PIGS: variants seen among roughly 807,000 people sequenced by gnomAD.
The protein encoded by PIGS is GPI-anchor transamidase component PIGS.
Under a neutral mutation model 58.2 loss-of-function variants are expected in PIGS, and 37 were observed. The observed-to-expected ratio is 0.64, with a 90% CI of 0.49 to 0.84. PIGS has a LOEUF of 0.84. Ranked by LOEUF, PIGS falls within the 40% of genes least tolerant of loss-of-function variation. The pLI, the probability that PIGS is intolerant of heterozygous loss-of-function variation, is 0.00. For synonymous variants in PIGS, 269 were observed against 289.2 expected (o/e 0.93, Z 0.71); for missense variants, 629 against 710.8 (o/e 0.88, Z 1.31).
At chr17:28,559,007 G>T (rs567030422) in intron 7 of PIGS, among the ~76,000 whole-genome samples, 2 of 152,102 alleles carry the variant, frequency 1.3e-5, no homozygotes, top group Admixed American at 1.3e-4. Context: ...TTGAGATGGA[G>T]TCTCACTCTG....
intron 3 of PIGS, among the ~76,000 whole-genome samples, chr17:28,565,307 G>A (rs1057091589): frequency 1.2e-4 from 18 of 152,086 alleles, no homozygotes; most frequent in African/African-American, 3.4e-4. Flanking sequence ...ACTATAAGAA[G>A]AAAACTTCAA....
At chr17:28,559,972 A>G in intron 7 of PIGS, 77 bp downstream of exon 7, 1 of 1,500,228 alleles carries the variant, frequency 6.7e-7, no homozygotes, top group South Asian at 1.3e-5. Context: ...GCAAGCTCTA[A>G]GAGATGGAGG....
At chr17:28,568,417 GTCT>G (rs1232727534) in intron 3 of PIGS, among the ~76,000 whole-genome samples, 9 of 151,876 alleles carry the variant, frequency 5.9e-5, no homozygotes, top group Admixed American at 4.6e-4. Context: ...CTTTTTTATT[GTCT>G]TCTTCTTGTC....
chr17:28,561,380 T>G (rs1288162793), intron 6 of PIGS, 42 bp downstream of exon 6: 1 of 1,601,354 alleles, frequency 6.2e-7, no homozygotes. Context: ...CCCCATGTAA[T>G]TCATTTCCTC....
chr17:28,558,305 C>T (rs1481964554), intron 8 of PIGS, among the ~76,000 whole-genome samples, 171 bp downstream of exon 8: 1 of 151,546 alleles, frequency 6.6e-6, no homozygotes, highest in East Asian at 1.9e-4. Flanking sequence ...GGCCTTGTCT[C>T]AAAAAAAGAA....
intron 3 of PIGS, among the ~76,000 whole-genome samples, chr17:28,566,898 C>A (rs569422222): frequency 1.3e-3 from 192 of 152,284 alleles, no homozygotes; most frequent in Non-Finnish European, 2.0e-3. Flanking sequence ...TGGCCACACA[C>A]CAGTAGTCCT....
At chr17:28,561,803 TATTTTC>T in intron 5 of PIGS, 174 bp from the exon 6 acceptor site, 1 of 611,060 alleles carries the variant, frequency 1.6e-6, no homozygotes, top group Non-Finnish European at 2.8e-6. Context: ...ATATATTGAG[TATTTTC>T]ATTTGTCTCC....
In PIGS at chr17:28,563,860, A is replaced by G. The variant is rs765352714; in HGVS notation, c.334T>C (p.Leu112=). 6.2e-7 allele frequency: 1 copy of G among 1,614,144 alleles called. No homozygotes were observed. The highest frequency in any genetic ancestry group is 8.5e-7 in the Non-Finnish European group (1 of 1,179,992). ...GACAGGGCCTCCTCCTCATGGTCCAAAGCCCTCCGATAGGCCTTCTGGAAA... is the reference window on the plus strand; with the variant it reads ...GACAGGGCCTCCTCCTCATGGTCCAGAGCCCTCCGATAGGCCTTCTGGAAA... ...CRFQKAYRRA[L]DHEEEALSSG... The change falls in exon 4 of 12, where the codon TTG becomes CTG. Residue 112 remains leucine (L), a synonymous_variant. Transcript: ENST00000308360.
chr17:28,557,080 T>A, intron 8 of PIGS, 108 bp from the exon 9 acceptor site: 1 of 1,175,898 alleles, frequency 8.5e-7, no homozygotes, highest in South Asian at 1.4e-5. Flanking sequence ...ATTCCCCAAC[T>A]AACAATCATT....
intron 3 of PIGS, among the ~76,000 whole-genome samples, chr17:28,564,410 A>C (rs2070383291): frequency 6.6e-6 from 1 of 152,178 alleles, no homozygotes; most frequent in Non-Finnish European, 1.5e-5. Flanking sequence ...TCTACAAAAA[A>C]TACAAAAATT....
chr17:28,569,474 C>CAA (rs767305172), intron 3 of PIGS, among the ~76,000 whole-genome samples: 11 of 66,140 alleles, frequency 1.7e-4, no homozygotes, highest in East Asian at 1.4e-3. Flanking sequence ...GACCCTTTCT[C>CAA]AAAAAAAAAA....
chr17:28,556,749 A>G, intron 9 of PIGS, 78 bp downstream of exon 9: 4 of 1,532,734 alleles, frequency 2.6e-6, no homozygotes, highest in Non-Finnish European at 3.5e-6. Flanking sequence ...CAGAAGGAAA[A>G]CAGAAGGAAC....
intron 5 of PIGS, among the ~76,000 whole-genome samples, chr17:28,563,081 G>A (rs2070373577): frequency 6.6e-6 from 1 of 152,118 alleles, no homozygotes; most frequent in African/African-American, 2.4e-5. Flanking sequence ...GCCAAGGCAG[G>A]TAGATCACAA....
Position 28,571,497 on chromosome 17 carries a change from G to A in PIGS, c.-1C>T, listed in dbSNP as rs1223350751. ...TAGCCGCAGCCCCGGCGGCCGCCAT[G>A]CTAGCTTCCGGCTGCTCCGGCCACC... On this transcript the variant is annotated 5_prime_UTR_variant, in exon 1 of 12. Coordinates refer to ENST00000308360, the MANE Select transcript of PIGS (RefSeq NM_033198.4). 8 of 1,606,228 alleles carry A rather than the reference G, an allele frequency of 5.0e-6. No homozygotes were observed. Among genetic ancestry groups the A allele is most frequent in the Non-Finnish European group, 6.8e-6 (8 of 1,176,764 alleles).
chr17:28,566,421 G>A (rs562317264), intron 3 of PIGS, among the ~76,000 whole-genome samples: 3 of 151,792 alleles, frequency 2.0e-5, no homozygotes, highest in Admixed American at 2.0e-4. Context: ...CTTCCAAGTA[G>A]CTGGGATTAC....
At chr17:28,571,225 G>T (rs761383707) in intron 1 of PIGS, 37 bp from the exon 2 acceptor site, 1 of 1,601,890 alleles carries the variant, frequency 6.2e-7, no homozygotes, top group Non-Finnish European at 8.5e-7. Context: ...CGCTGGAAAC[G>T]GGCTAGGGTA....
At chr17:28,561,238 CAG>C (rs1410766923) in intron 6 of PIGS, among the ~76,000 whole-genome samples, 182 bp downstream of exon 6, 2 of 151,878 alleles carry the variant, frequency 1.3e-5, no homozygotes, top group East Asian at 3.9e-4. Flanking sequence ...GCCCAGGCAA[CAG>C]AGTGAGACTC....
intron 5 of PIGS, chr17:28,561,886 G>T: frequency 2.7e-6 from 1 of 375,144 alleles, no homozygotes. Context: ...CTGGTAAAAT[G>T]GTGAAATGGA....
At position 28,563,447 on chromosome 17, in the gene PIGS, G is replaced by A; in HGVS notation, c.452C>T (p.Ser151Phe). The change falls in exon 5 of 12, where the codon TCC becomes TTC. Residue 151 changes from serine to phenylalanine, a missense_variant. Coordinates refer to ENST00000308360, the MANE Select transcript of PIGS (RefSeq NM_033198.4). ...SLTVYVISEHSSLLPQDMMSY... is the reference protein window; with the variant it reads ...SLTVYVISEHFSLLPQDMMSY... ...TTACCTTACCTGGGGAAGAAGTGAG[G>A]AGTGTTCAGATATCACGTACACAGT... is the stretch of plus-strand genomic sequence containing the variant. The A allele has an allele frequency of 6.2e-7, 1 of 1,614,044 alleles. No homozygotes were observed. Among genetic ancestry groups the A allele is most frequent in the South Asian group, 1.1e-5 (1 of 91,076 alleles).
Sources: gnomAD v4.1 joint callset for allele counts (sites outside exome capture counted in the v4.1 genomes callset) on GRCh38, gnomAD v4.1.1 for gene constraint, MANE v1.5 for transcripts, NCBI Gene and HGNC (gene_info 2026-07-23, HGNC 2026-07-21) for gene names.